SH3D19: variants seen among roughly 807,000 people sequenced by gnomAD.
The protein encoded by SH3D19 is SH3 domain-containing protein 19.
SH3D19 carries 58 observed loss-of-function variants against 112.1 expected under a neutral mutation model. That is an observed-to-expected ratio of 0.52 (90% confidence interval 0.42 to 0.64). The LOEUF is 0.64. SH3D19 is among the 30% of genes least tolerant of loss of function. The pLI is 0.00. For synonymous variants in SH3D19, 391 were observed against 448.5 expected, an observed-to-expected ratio of 0.87 and a Z score of 1.62; for missense variants, 1,090 against 1,263.4, an observed-to-expected ratio of 0.86 and a Z score of 2.08.
intron 2 of SH3D19, among the ~76,000 whole-genome samples, chr4:151,193,437 C>CA (rs1762952679): frequency 6.6e-6 from 1 of 152,080 alleles, no homozygotes; most frequent in African/African-American, 2.4e-5. Context: ...CTTTTAGTAT[C>CA]AATTAACAGA....
chr4:151,194,016 ATT>A (rs201719037), intron 2 of SH3D19, among the ~76,000 whole-genome samples: 524 of 111,628 alleles, frequency 4.7e-3, no homozygotes, highest in African/African-American at 0.021. Flanking sequence ...AGTAGGATTA[ATT>A]TTTTTTTTTT....
intron 8 of SH3D19, among the ~76,000 whole-genome samples, chr4:151,163,586 C>T (rs1579892512): frequency 1.4e-5 from 2 of 145,020 alleles, no homozygotes; most frequent in African/African-American, 2.5e-5. Flanking sequence ...TTCTTTCTTT[C>T]TTTTTTTTTT....
intron 2 of SH3D19, among the ~76,000 whole-genome samples, chr4:151,198,992 C>A (rs1561328375): frequency 6.7e-6 from 1 of 149,966 alleles, no homozygotes; most frequent in Non-Finnish European, 1.5e-5. Context: ...ACAAGCAGGG[C>A]TAGCAGCCTT....
At chr4:151,184,624 T>C (rs957759989) in intron 3 of SH3D19, among the ~76,000 whole-genome samples, 13 of 152,142 alleles carry the variant, frequency 8.5e-5, no homozygotes, top group Non-Finnish European at 1.8e-4. Context: ...CCGTTTTCTC[T>C]TCTTTCATGG....
chr4:151,195,301 G>A (rs1451576729), intron 2 of SH3D19, among the ~76,000 whole-genome samples: 1 of 142,554 alleles, frequency 7.0e-6, no homozygotes, highest in East Asian at 2.1e-4. Context: ...GAACCCAGCA[G>A]GCGGAGCGTG....
At chr4:151,231,860 G>A (rs1769636075) in intron 1 of SH3D19, among the ~76,000 whole-genome samples, 1 of 152,170 alleles carries the variant, frequency 6.6e-6, no homozygotes, top group African/African-American at 2.4e-5. Context: ...GGGAAGAATT[G>A]GAGATGGAAA....
chr4:151,163,914 A>G (rs1757562414), intron 8 of SH3D19, among the ~76,000 whole-genome samples: 1 of 152,184 alleles, frequency 6.6e-6, no homozygotes, highest in Non-Finnish European at 1.5e-5. Flanking sequence ...ACATTAAAAT[A>G]TTACCTCTAA....
chr4:151,124,192 C>T (rs1013287435), intron 19 of SH3D19, among the ~76,000 whole-genome samples: 2 of 151,724 alleles, frequency 1.3e-5, no homozygotes, highest in African/African-American at 2.4e-5. Flanking sequence ...CTGCAACCTC[C>T]GCCTCCCAGG....
chr4:151,292,007 A>G (rs988177111), intron 1 of SH3D19, among the ~76,000 whole-genome samples: 1 of 152,200 alleles, frequency 6.6e-6, no homozygotes, highest in African/African-American at 2.4e-5. Context: ...AAAGAAGAAA[A>G]AAAAAGAGAT....
chr4:151,157,685 C>T (rs1756380163), intron 9 of SH3D19, among the ~76,000 whole-genome samples: 1 of 151,746 alleles, frequency 6.6e-6, no homozygotes, highest in Admixed American at 6.6e-5. Context: ...CGGAATCAAC[C>T]TAGGTGTCCA....
At chr4:151,177,086 G>C (rs1431449711) in intron 4 of SH3D19, 131 bp from the exon 5 acceptor site, 1 of 710,986 alleles carries the variant, frequency 1.4e-6, no homozygotes, top group Non-Finnish European at 1.9e-6. Context: ...TCACAGAAAT[G>C]ACCTGTCAGG....
At chr4:151,150,310 C>CAT (rs201818643) in intron 9 of SH3D19, among the ~76,000 whole-genome samples, 40 of 135,354 alleles carry the variant, frequency 3.0e-4, no homozygotes, top group African/African-American at 5.5e-4. Flanking sequence ...TATACACACA[C>CAT]ATATATATAT....
chr4:151,236,814 AG>A (rs1168273674), intron 1 of SH3D19, among the ~76,000 whole-genome samples: 1 of 152,242 alleles, frequency 6.6e-6, no homozygotes, highest in African/African-American at 2.4e-5. Flanking sequence ...GTCTAGCTAA[AG>A]GTTTGTAAAT....
At chr4:151,153,426 A>C (rs1041522232) in intron 9 of SH3D19, among the ~76,000 whole-genome samples, 2 of 151,194 alleles carry the variant, frequency 1.3e-5, no homozygotes, top group African/African-American at 4.9e-5. Context: ...TTGTATTTTT[A>C]GTAGAGATGG....
chr4:151,166,457 TAA>T (rs1189138097), intron 7 of SH3D19: 3 of 151,946 alleles, frequency 2.0e-5, no homozygotes, highest in Non-Finnish European at 4.4e-5. Context: ...GTTTTTAATA[TAA>T]GTGTCCTTTT....
Position 151,159,340 on chromosome 4 carries a change from T to A in SH3D19, c.1655A>T (p.Asp552Val). 6.3e-7 allele frequency: 1 copy of A among 1,576,818 alleles called. No homozygotes were observed. Among genetic ancestry groups the A allele is most frequent in the Non-Finnish European group, 8.6e-7 (1 of 1,164,420 alleles). Reference sequence around the variant, plus strand: ...AGGGAGAGGAGGTGGACTTTGTGGATCCTCATGTAAACCTGGAAAAAGTAG... The same window carrying A: ...AGGGAGAGGAGGTGGACTTTGTGGAACCTCATGTAAACCTGGAAAAAGTAG... Reference protein sequence around the residue: ...PAKPGKCLHEDPQSPPPLPAE... With the variant: ...PAKPGKCLHEVPQSPPPLPAE... The change falls in exon 9 of 20, where the codon GAT (aspartate) becomes GTT (valine). Residue 552 changes from aspartate to valine, a missense_variant. Coordinates refer to ENST00000604030, the MANE Select transcript of SH3D19 (RefSeq NM_001378122.1).
chr4:151,218,307 T>C (rs575106934), intron 2 of SH3D19, among the ~76,000 whole-genome samples: 38 of 152,268 alleles, frequency 2.5e-4, no homozygotes, highest in Non-Finnish European at 5.6e-4. Flanking sequence ...TAAAAAGAAT[T>C]CACTCAATTT....
chr4:151,198,311 A>G (rs1480945747), intron 2 of SH3D19, among the ~76,000 whole-genome samples: 1 of 69,792 alleles, frequency 1.4e-5, no homozygotes, highest in African/African-American at 2.9e-5. Context: ...TCTCAAAAAA[A>G]AAAAAAATAT....
At chr4:151,195,861 C>A (rs1378359895) in intron 2 of SH3D19, among the ~76,000 whole-genome samples, 3 of 147,874 alleles carry the variant, frequency 2.0e-5, no homozygotes, top group African/African-American at 7.5e-5. Flanking sequence ...TTCTGAAAAA[C>A]AACTGACTCA....
Sources: allele counts gnomAD v4.1 joint callset (sites outside exome capture counted in the v4.1 genomes callset), GRCh38; gene constraint gnomAD v4.1.1; transcripts MANE v1.5; gene names NCBI Gene and HGNC (gene_info 2026-07-23, HGNC 2026-07-21).